TECRL: variants seen among roughly 807,000 people sequenced by gnomAD.
TECRL encodes trans-2,3-enoyl-CoA reductase-like.
In TECRL, 63 loss-of-function variants were observed where a neutral mutation model predicts 52.8. The ratio of observed to expected loss-of-function variants is 1.19; its 90% CI spans 0.97 to 1.47. TECRL has a LOEUF of 1.47. TECRL is among the 40% of genes most tolerant of loss of function. The probability of loss-of-function intolerance (pLI) is 0.00; values close to 1 mark genes in which losing one functional copy is unlikely to be tolerated. For missense variants in TECRL, 482 were observed against 429.6 expected, an observed-to-expected ratio of 1.12 and a Z score of -1.08; for synonymous variants, 164 against 141.9, an observed-to-expected ratio of 1.16 and a Z score of -1.10.
At chr4:64,296,724 G>C (rs1216223760) in intron 8 of TECRL, among the ~76,000 whole-genome samples, 1 of 151,690 alleles carries the variant, frequency 6.6e-6, no homozygotes, top group African/African-American at 2.4e-5. Context: ...TTTCACAATT[G>C]TGATTTTGGT....
intron 2 of TECRL, among the ~76,000 whole-genome samples, chr4:64,344,220 T>C (rs1560515292): frequency 6.6e-6 from 1 of 151,938 alleles, no homozygotes; most frequent in African/African-American, 2.4e-5. Flanking sequence ...TTTATACATA[T>C]AAGATGATAC....
intron 1 of TECRL, among the ~76,000 whole-genome samples, chr4:64,407,223 G>T (rs1302581641): frequency 6.6e-6 from 1 of 151,964 alleles, no homozygotes; most frequent in Non-Finnish European, 1.5e-5. Flanking sequence ...CCTCTATTTA[G>T]CCTGCTAAGT....
intron 1 of TECRL, among the ~76,000 whole-genome samples, chr4:64,378,999 A>G (rs1722592461): frequency 2.0e-5 from 3 of 151,984 alleles, no homozygotes; most frequent in African/African-American, 7.2e-5. Context: ...TTTGTATCAT[A>G]CAAAATGTTT....
At chr4:64,337,086 C>A (rs1281434864) in intron 2 of TECRL, among the ~76,000 whole-genome samples, 2 of 152,102 alleles carry the variant, frequency 1.3e-5, no homozygotes, top group Non-Finnish European at 1.5e-5. Flanking sequence ...TCTCATTGAT[C>A]TGTCTAATGT....
intron 4 of TECRL, among the ~76,000 whole-genome samples, chr4:64,318,381 A>C (rs1577862979): frequency 6.6e-6 from 1 of 152,102 alleles, no homozygotes; most frequent in Non-Finnish European, 1.5e-5. Flanking sequence ...GTAAAATTTA[A>C]AAGAAGAATT....
intron 6 of TECRL, among the ~76,000 whole-genome samples, chr4:64,309,391 G>C (rs1310189563): frequency 6.6e-6 from 1 of 152,040 alleles, no homozygotes; most frequent in Non-Finnish European, 1.5e-5. Flanking sequence ...GTTCATAACT[G>C]TTGCTTTCAC....
intron 2 of TECRL, among the ~76,000 whole-genome samples, chr4:64,346,826 C>G (rs1720023133): frequency 6.6e-6 from 1 of 152,224 alleles, no homozygotes; most frequent in African/African-American, 2.4e-5. Flanking sequence ...TTCTCCTAGT[C>G]TCCTGGATAT....
intron 2 of TECRL, among the ~76,000 whole-genome samples, chr4:64,333,649 A>G (rs1718809053): frequency 6.6e-6 from 1 of 152,190 alleles, no homozygotes; most frequent in African/African-American, 2.4e-5. Flanking sequence ...AAATTTAGGA[A>G]GAATGCACAA....
At chr4:64,302,188 C>A (rs1403934974) in intron 7 of TECRL, among the ~76,000 whole-genome samples, 1 of 151,216 alleles carries the variant, frequency 6.6e-6, no homozygotes, top group African/African-American at 2.4e-5. Context: ...AAAATAAACT[C>A]TAGTAGAATA....
At chr4:64,328,101 C>T (rs1428787359) in intron 3 of TECRL, among the ~76,000 whole-genome samples, 1 of 151,958 alleles carries the variant, frequency 6.6e-6, no homozygotes, top group Non-Finnish European at 1.5e-5. Flanking sequence ...CATAATGCTT[C>T]TTCTCCAAAT....
chr4:64,360,098 G>T (rs796154619), intron 2 of TECRL, among the ~76,000 whole-genome samples: 5 of 152,210 alleles, frequency 3.3e-5, no homozygotes, highest in African/African-American at 1.2e-4. Flanking sequence ...TATGTTCAAA[G>T]TATGATTTAT....
chr4:64,309,753 T>C (rs1459505035), intron 6 of TECRL, 73 bp downstream of exon 6: 10 of 960,674 alleles, frequency 1.0e-5, no homozygotes, highest in Non-Finnish European at 1.6e-5. Context: ...AAGGAAACAA[T>C]GATTAAATAT....
At chr4:64,364,727 C>T (rs1016199171) in intron 2 of TECRL, among the ~76,000 whole-genome samples, 4 of 151,922 alleles carry the variant, frequency 2.6e-5, no homozygotes, top group African/African-American at 7.2e-5. Context: ...AAATCCTGTA[C>T]AGACCAATAA....
intron 2 of TECRL, among the ~76,000 whole-genome samples, chr4:64,370,877 A>G (rs1050583874): frequency 3.3e-5 from 5 of 152,044 alleles, no homozygotes; most frequent in African/African-American, 4.8e-5. Flanking sequence ...CATAGTTCAT[A>G]CTGTACATTT....
chr4:64,290,386 C>T (rs769718152), intron 8 of TECRL, among the ~76,000 whole-genome samples: 101 of 152,264 alleles, frequency 6.6e-4, no homozygotes, highest in Middle Eastern at 6.8e-3. Flanking sequence ...CAACATGTGT[C>T]CTGTGAGGGT....
chr4:64,283,628 G>A (rs1015116354), intron 9 of TECRL, among the ~76,000 whole-genome samples: 12 of 151,960 alleles, frequency 7.9e-5, no homozygotes, highest in African/African-American at 2.9e-4. Flanking sequence ...AAAGTTAGAG[G>A]TCCACCTAGA....
chr4:64,394,701 G>A (rs1043283837), intron 1 of TECRL, among the ~76,000 whole-genome samples: 8 of 152,046 alleles, frequency 5.3e-5, no homozygotes, highest in Non-Finnish European at 8.8e-5. Context: ...ACGTGGTGGA[G>A]GAGAGTAAAA....
At chr4:64,362,121 T>C (rs2109618796) in intron 2 of TECRL, among the ~76,000 whole-genome samples, 1 of 152,204 alleles carries the variant, frequency 6.6e-6, no homozygotes, top group Admixed American at 6.6e-5. Context: ...TGAAGACTGC[T>C]CATTTAAATC....
chr4:64,276,536 T>G (rs1053028779), downstream of TECRL: 1 of 151,862 alleles, frequency 6.6e-6, no homozygotes, highest in Admixed American at 6.6e-5. Context: ...TGTCATATTT[T>G]ATTTATTTTA....
Sources: allele counts gnomAD v4.1 joint callset (sites outside exome capture counted in the v4.1 genomes callset), GRCh38; gene constraint gnomAD v4.1.1; transcripts MANE v1.5; gene names NCBI Gene and HGNC (gene_info 2026-07-23, HGNC 2026-07-21).